The following HBS1L variants were observed in gnomAD, a reference collection of about 807,000 sequenced individuals.
HBS1L encodes the protein HBS1 like translational GTPase, also known as HBS1-like protein.
In HBS1L, 55 loss-of-function variants were observed where a neutral mutation model predicts 88.9. That is an observed-to-expected ratio of 0.62 (90% confidence interval 0.50 to 0.77). The LOEUF (loss-of-function observed/expected upper bound fraction) is 0.77. Ranked by LOEUF, HBS1L falls within the 30% of genes least tolerant of loss-of-function variation. The pLI, the probability that HBS1L is intolerant of heterozygous loss-of-function variation, is 0.00. For missense variants in HBS1L, 741 were observed against 829.3 expected (o/e 0.89, Z 1.31); for synonymous variants, 267 against 288.5 (o/e 0.93, Z 0.76).
chr6:135,050,302 T>C (rs539328648), intron 2 of HBS1L, among the ~76,000 whole-genome samples: 1 of 152,342 alleles, frequency 6.6e-6, no homozygotes, highest in East Asian at 1.9e-4. Context: ...ATTGACTAAA[T>C]TACCATTTTA....
In HBS1L at chr6:134,987,810, C is replaced by T. The variant is rs192974962; in HGVS notation, c.1084-19G>A. On this transcript the variant is annotated intron_variant, in intron 8 of 17. Coordinates refer to ENST00000367837, the MANE Select transcript of HBS1L (RefSeq NM_006620.4). ...CATCCGCCTAAAGAAGAAAAATAATCGAAGCCAGAAATAATGTTTCAGCAT... is the reference window on the plus strand; with the variant it reads ...CATCCGCCTAAAGAAGAAAAATAATTGAAGCCAGAAATAATGTTTCAGCAT... 7 of 1,552,006 alleles carry T rather than the reference C, an allele frequency of 4.5e-6. No homozygotes were observed. The highest frequency in any genetic ancestry group is 1.2e-5 in the South Asian group (1 of 81,152).
chr6:134,975,794 A>C (rs1290356001), intron 15 of HBS1L, among the ~76,000 whole-genome samples: 1 of 152,166 alleles, frequency 6.6e-6, no homozygotes, highest in Non-Finnish European at 1.5e-5. Context: ...CTAGGAACTG[A>C]AACCATGGAA....
At chr6:135,016,999 G>C (rs768934087) in intron 4 of HBS1L, among the ~76,000 whole-genome samples, 1 of 152,098 alleles carries the variant, frequency 6.6e-6, no homozygotes, top group South Asian at 2.1e-4. Context: ...AAAAGATTTA[G>C]AACTATTTAT....
chr6:134,978,881 A>T, intron 14 of HBS1L, 94 bp from the exon 15 acceptor site: 1 of 744,858 alleles, frequency 1.3e-6, no homozygotes. Flanking sequence ...AAAGTAAAAC[A>T]ATTAAGTAAA....
intron 4 of HBS1L, among the ~76,000 whole-genome samples, chr6:135,011,293 T>C (rs928692552): frequency 6.6e-6 from 1 of 152,086 alleles, no homozygotes; most frequent in Non-Finnish European, 1.5e-5. Context: ...GGTGGGAGGA[T>C]CGCTTAAGGC....
chr6:135,054,410 T>C (rs1254709329), intron 1 of HBS1L, among the ~76,000 whole-genome samples: 2 of 152,232 alleles, frequency 1.3e-5, no homozygotes, highest in Non-Finnish European at 1.5e-5. Flanking sequence ...CCTACCCATA[T>C]GACGCTATGC....
intron 12 of HBS1L, among the ~76,000 whole-genome samples, chr6:134,983,745 A>G (rs1271219726): frequency 1.3e-5 from 2 of 152,150 alleles, no homozygotes; most frequent in African/African-American, 4.8e-5. Flanking sequence ...CAGAAGGTAG[A>G]GACACTCATG....
At chr6:135,045,878 G>A (rs1370313337) in intron 2 of HBS1L, among the ~76,000 whole-genome samples, 2 of 151,822 alleles carry the variant, frequency 1.3e-5, no homozygotes, top group Admixed American at 1.3e-4. Context: ...CATATCACAA[G>A]GTAAGATTAA....
At chr6:135,002,359 T>C (rs1775485449) in intron 5 of HBS1L, among the ~76,000 whole-genome samples, 1 of 151,938 alleles carries the variant, frequency 6.6e-6, no homozygotes, top group Non-Finnish European at 1.5e-5. Flanking sequence ...ATTAAAAAAT[T>C]TAATTAATGA....
chr6:135,000,134 C>T (rs190803271), intron 5 of HBS1L, among the ~76,000 whole-genome samples: 5 of 152,020 alleles, frequency 3.3e-5, no homozygotes, highest in Admixed American at 3.3e-4. Flanking sequence ...TATTGGCTCA[C>T]TGCAGTCTTG....
chr6:135,047,157 C>T (rs1191238724), intron 2 of HBS1L, among the ~76,000 whole-genome samples: 1 of 152,210 alleles, frequency 6.6e-6, no homozygotes. Context: ...CATGGATAAA[C>T]TCCGTCTCTG....
At chr6:135,018,721 A>T (rs1022986166) in intron 4 of HBS1L, among the ~76,000 whole-genome samples, 3 of 151,984 alleles carry the variant, frequency 2.0e-5, no homozygotes, top group African/African-American at 7.2e-5. Flanking sequence ...AGCCTACAAA[A>T]CAAGGCCTTT....
intron 8 of HBS1L, 139 bp from the exon 9 acceptor site, chr6:134,987,930 A>T: frequency 1.7e-6 from 1 of 575,642 alleles, no homozygotes; most frequent in Non-Finnish European, 2.7e-6. Flanking sequence ...CAAACAAAAG[A>T]CTCCCAAAGA....
intron 4 of HBS1L, among the ~76,000 whole-genome samples, chr6:135,033,612 C>T (rs1583141163): frequency 6.6e-6 from 1 of 152,218 alleles, no homozygotes; most frequent in East Asian, 1.9e-4. Context: ...AATTTTTTCC[C>T]CACCAAAAGA....
At chr6:134,993,588 G>A (rs1018142830) in intron 8 of HBS1L, among the ~76,000 whole-genome samples, 170 bp downstream of exon 8, 1 of 152,074 alleles carries the variant, frequency 6.6e-6, no homozygotes, top group Non-Finnish European at 1.5e-5. Context: ...AGTACAGGTA[G>A]AAAGATCATG....
intron 1 of HBS1L, among the ~76,000 whole-genome samples, chr6:135,053,185 G>C (rs1777141047): frequency 6.6e-6 from 1 of 152,192 alleles, no homozygotes; most frequent in Non-Finnish European, 1.5e-5. Flanking sequence ...CCTTAACGTA[G>C]AAATCCTGCT....
chr6:135,011,704 A>G (rs1340132835), intron 4 of HBS1L, among the ~76,000 whole-genome samples: 1 of 152,142 alleles, frequency 6.6e-6, no homozygotes, highest in Non-Finnish European at 1.5e-5. Context: ...CAGGAGTTCG[A>G]GACCAGTCTA....
chr6:134,980,544 C>T (rs571069068), intron 13 of HBS1L, among the ~76,000 whole-genome samples: 167 of 151,994 alleles, frequency 1.1e-3, no homozygotes, highest in Non-Finnish European at 2.1e-3. Flanking sequence ...TAGAGATTGA[C>T]TTTGGCTTAA....
Position 135,002,793 on chromosome 6 carries a change from T to G in HBS1L, c.480A>C (p.Pro160=). The G allele has an allele frequency of 6.2e-7, 1 of 1,613,550 alleles. No individual in the cohort carries two copies. The highest frequency in any genetic ancestry group is 8.5e-7 in the Non-Finnish European group (1 of 1,179,628). The change falls in exon 5 of 18, where the codon CCA becomes CCC. Residue 160 remains proline, a synonymous_variant. Coordinates refer to ENST00000367837, the MANE Select transcript of HBS1L (RefSeq NM_006620.4). The part of the protein sequence containing the change: ...QTSRSESEIV[P]KVAKMTVSGK... Reference sequence around the variant, plus strand: ...CAGATACAGTCATTTTAGCAACTTTTGGCACAATTTCAGATTCACTTCGCG... The same window carrying G: ...CAGATACAGTCATTTTAGCAACTTTGGGCACAATTTCAGATTCACTTCGCG...
Sources: gnomAD v4.1 joint callset for allele counts (sites outside exome capture counted in the v4.1 genomes callset) on GRCh38, gnomAD v4.1.1 for gene constraint, MANE v1.5 for transcripts, NCBI Gene and HGNC (gene_info 2026-07-23, HGNC 2026-07-21) for gene names.